The following BNC2 variants were observed in gnomAD, a reference collection of about 807,000 sequenced individuals.
BNC2 encodes basonuclin zinc finger protein 2.
BNC2 carries 20 observed loss-of-function variants against 76.3 expected under a neutral mutation model. The observed-to-expected ratio is 0.26, with a 90% confidence interval of 0.18 to 0.38. The LOEUF (loss-of-function observed/expected upper bound fraction) is 0.38, where lower values mean the gene tolerates loss of function less well. Among genes scored for constraint, BNC2 ranks in the 10% least tolerant of loss-of-function variants. The pLI is 1.00. For synonymous variants in BNC2, 582 were observed against 514.8 expected (o/e 1.13, Z -1.77); for missense variants, 1,382 against 1,399.8 (o/e 0.99, Z 0.20).
intron 5 of BNC2, among the ~76,000 whole-genome samples, chr9:16,533,821 T>C (rs933209097): frequency 1.3e-5 from 2 of 152,166 alleles, no homozygotes; most frequent in Non-Finnish European, 2.9e-5. Flanking sequence ...TGAGTTAAAA[T>C]GTATGTTTTT....
At chr9:16,607,143 CAG>C (rs1820410085) in intron 3 of BNC2, among the ~76,000 whole-genome samples, 10 of 151,982 alleles carry the variant, frequency 6.6e-5, no homozygotes, top group African/African-American at 2.4e-4. Flanking sequence ...TTTATAGAAA[CAG>C]AGTCTCACCA....
intron 1 of BNC2, chr9:16,867,413 T>C (rs566861528): frequency 1.3e-5 from 2 of 152,276 alleles, no homozygotes; most frequent in African/African-American, 4.8e-5. Context: ...AGACTATAAA[T>C]AATACAGTTG....
Position 16,410,866 on chromosome 9 carries a change from A to G in BNC2, c.*8123T>C, listed in dbSNP as rs2118886609. 1 of 152,404 alleles carries G rather than the reference A, an allele frequency of 6.6e-6. No individual in the cohort carries two copies. The highest frequency in any genetic ancestry group is 1.5e-5 in the Non-Finnish European group (1 of 68,076). The allele number at this position is 152,404 out of a possible 1,614,324, so 9.4% of individuals were successfully genotyped here. On this transcript the variant is annotated 3_prime_UTR_variant, in exon 7 of 7. Coordinates refer to ENST00000380672, the MANE Select transcript of BNC2 (RefSeq NM_017637.6). ...CTCCAAATTGGGGACTAGATTTAAA[A>G]AAAGAAACAGCCTTGGTGTATACAT...
chr9:16,625,033 G>C (rs1820955422), intron 3 of BNC2, among the ~76,000 whole-genome samples: 1 of 152,176 alleles, frequency 6.6e-6, no homozygotes, highest in Admixed American at 6.6e-5. Context: ...TTAGAAAGCA[G>C]CTTTTTAACA....
intron 3 of BNC2, among the ~76,000 whole-genome samples, chr9:16,718,886 C>T (rs1019449606): frequency 6.6e-6 from 1 of 152,134 alleles, no homozygotes; most frequent in Non-Finnish European, 1.5e-5. Context: ...ACACTTTCTG[C>T]ATGTCTACGC....
chr9:16,418,136 G>T lies in BNC2; in HGVS notation c.*853C>A, dbSNP rs1820624342. ...AGTTTAAGGATAAAAAAGAAGCATG[G>T]TTATTACACATCCCCTTGTAGTGTA... On this transcript the variant is annotated 3_prime_UTR_variant, in exon 7 of 7. Coordinates refer to ENST00000380672, the MANE Select transcript of BNC2 (RefSeq NM_017637.6). 3 of 152,554 alleles carry T rather than the reference G, an allele frequency of 2.0e-5. No homozygotes were observed. The highest frequency in any genetic ancestry group is 6.5e-5 in the Admixed American group (1 of 15,268). The allele number at this position is 152,554 out of a possible 1,614,324, so 9.5% of individuals were successfully genotyped here. A position where few individuals can be genotyped will look rare whatever the true frequency, so the allele number is the denominator to read the frequency against.
Position 16,411,779 on chromosome 9 carries a change from A to C in BNC2, c.*7210T>G, listed in dbSNP as rs1049131879. ...CTCTCCTTGCTAAAGTTCATATGGA[A>C]GATGATACCGATACCTGCACGTGTC... On this transcript the variant is annotated 3_prime_UTR_variant, in exon 7 of 7. Coordinates refer to ENST00000380672, the MANE Select transcript of BNC2 (RefSeq NM_017637.6). The C allele has an allele frequency of 5.2e-5, 8 of 152,512 alleles. No individual in the cohort carries two copies. The highest frequency in any genetic ancestry group is 6.5e-5 in the Admixed American group (1 of 15,280). The allele number at this position is 152,512 out of a possible 1,614,324, so 9.4% of individuals were successfully genotyped here.
Position 16,870,652 on chromosome 9 carries a change from G to T in BNC2, c.-4C>A. On this transcript the variant is annotated 5_prime_UTR_variant, in exon 1 of 7. Coordinates refer to ENST00000380672, the MANE Select transcript of BNC2 (RefSeq NM_017637.6). ...GAGGGTGGAAACTTCTTACCATCTC[G>T]GCATGCTGGTTGTCAAGTGCAGCCC... 6.2e-7 allele frequency: 1 copy of T among 1,611,028 alleles called. No individual in the cohort carries two copies. The highest frequency in any genetic ancestry group is 8.5e-7 in the Non-Finnish European group (1 of 1,178,578).
intron 1 of BNC2, among the ~76,000 whole-genome samples, chr9:16,750,540 A>G (rs1385259481): frequency 3.3e-5 from 5 of 152,240 alleles, no homozygotes; most frequent in Non-Finnish European, 7.3e-5. Context: ...GCGAATGGGC[A>G]TCCCTCCAGA....
At chr9:16,831,041 G>A (rs1166080310) in intron 1 of BNC2, among the ~76,000 whole-genome samples, 2 of 152,132 alleles carry the variant, frequency 1.3e-5, no homozygotes, top group South Asian at 2.1e-4. Flanking sequence ...TTATTTCCTC[G>A]TAACAGAAAC....
chr9:16,699,780 A>G (rs1317439675), intron 3 of BNC2, among the ~76,000 whole-genome samples: 1 of 152,248 alleles, frequency 6.6e-6, no homozygotes, highest in Non-Finnish European at 1.5e-5. Flanking sequence ...GAAAGAGATC[A>G]GTTCAAATGC....
At chr9:16,859,812 A>C (rs1377406117) in intron 1 of BNC2, among the ~76,000 whole-genome samples, 1 of 152,214 alleles carries the variant, frequency 6.6e-6, no homozygotes, top group Non-Finnish European at 1.5e-5. Context: ...ACACTACTGA[A>C]CTGTACACTT....
At chr9:16,511,420 CTTTTTTTTTTT>C (rs758039548) in intron 5 of BNC2, among the ~76,000 whole-genome samples, 1 of 69,480 alleles carries the variant, frequency 1.4e-5, no homozygotes, top group African/African-American at 6.0e-5. Context: ...AATAAATTTA[CTTTTTTTTTTT>C]TTTTTTTTTT....
intron 4 of BNC2, among the ~76,000 whole-genome samples, chr9:16,555,664 G>A (rs561797789): frequency 6.6e-6 from 1 of 152,010 alleles, no homozygotes; most frequent in Non-Finnish European, 1.5e-5. Context: ...ACATGGTGGC[G>A]CCCACCTGTG....
chr9:16,813,066 G>A (rs531287966), intron 1 of BNC2, among the ~76,000 whole-genome samples: 4 of 151,978 alleles, frequency 2.6e-5, no homozygotes, highest in Admixed American at 6.6e-5. Flanking sequence ...AAAATTAGCC[G>A]GGCGTGGTGA....
chr9:16,649,482 A>T (rs1162575424), intron 3 of BNC2, among the ~76,000 whole-genome samples: 2 of 152,202 alleles, frequency 1.3e-5, no homozygotes, highest in African/African-American at 4.8e-5. Context: ...GAGGAAAAGT[A>T]GGAGCACTGG....
At chr9:16,640,734 G>T (rs1189555591) in intron 3 of BNC2, among the ~76,000 whole-genome samples, 1 of 152,144 alleles carries the variant, frequency 6.6e-6, no homozygotes, top group Non-Finnish European at 1.5e-5. Flanking sequence ...CCAACAGGAG[G>T]CATCAAATTT....
At chr9:16,429,130 A>C (rs947837035) in intron 6 of BNC2, among the ~76,000 whole-genome samples, 1 of 152,196 alleles carries the variant, frequency 6.6e-6, no homozygotes, top group Non-Finnish European at 1.5e-5. Context: ...TATGGCAAGC[A>C]CATTATTTCT....
Position 16,738,985 on chromosome 9 carries a change from G to A in BNC2, c.4-500C>T, listed in dbSNP as rs1426638492. ...AAACAGAATAGGAAAAGAAACAAGA[G>A]CAGAATTCCATACAACTTAGAGATC... On this transcript the variant is annotated intron_variant, in intron 1 of 6. Transcript: ENST00000380672. 4.6e-5 allele frequency among the ~76,000 whole-genome samples: 7 copies of A among 151,244 alleles called. 1 individual carries two copies. In the East Asian group the frequency reaches 1.4e-3, roughly 29 times the overall value.
Sources: gnomAD v4.1 joint callset for allele counts (sites outside exome capture counted in the v4.1 genomes callset) on GRCh38, gnomAD v4.1.1 for gene constraint, MANE v1.5 for transcripts, NCBI Gene and HGNC (gene_info 2026-07-23, HGNC 2026-07-21) for gene names.